HS6ST3: variants seen among roughly 807,000 people sequenced by gnomAD.
HS6ST3 encodes the protein heparan sulfate 6-O-sulfotransferase 3.
A neutral mutation model predicts 36.7 loss-of-function variants in HS6ST3; 12 were observed. The ratio of observed to expected loss-of-function variants is 0.33; its 90% CI spans 0.21 to 0.53. The LOEUF (loss-of-function observed/expected upper bound fraction) is 0.53. Ranked by LOEUF, HS6ST3 falls within the 20% of genes least tolerant of loss-of-function variation. The pLI is 0.95. For missense variants in HS6ST3, 584 were observed against 640.9 expected (o/e 0.91, Z 0.96); for synonymous variants, 240 against 257.5 (o/e 0.93, Z 0.65).
At chr13:96,109,634 G>T (rs2053858594) in intron 1 of HS6ST3, among the ~76,000 whole-genome samples, 1 of 152,172 alleles carries the variant, frequency 6.6e-6, no homozygotes, top group Non-Finnish European at 1.5e-5. Flanking sequence ...AGTAAAATAA[G>T]TTGCACTGGT....
At chr13:96,575,805 G>A (rs1176518635) in intron 1 of HS6ST3, among the ~76,000 whole-genome samples, 12 of 152,088 alleles carry the variant, frequency 7.9e-5, no homozygotes, top group East Asian at 7.7e-4. Context: ...GGCAAAGTTC[G>A]TAGAACTAGG....
intron 1 of HS6ST3, among the ~76,000 whole-genome samples, chr13:96,636,539 T>C (rs2056550484): frequency 6.6e-6 from 1 of 152,134 alleles, no homozygotes; most frequent in Admixed American, 6.6e-5. Flanking sequence ...AACTGATTTC[T>C]CATCCTATCT....
At chr13:96,649,520 AC>A (rs1254715955) in intron 1 of HS6ST3, among the ~76,000 whole-genome samples, 1 of 151,912 alleles carries the variant, frequency 6.6e-6, no homozygotes, top group African/African-American at 2.4e-5. Context: ...AACAAAGAAA[AC>A]CTTTGAATTT....
chr13:96,595,816 T>A (rs1435516035), intron 1 of HS6ST3, among the ~76,000 whole-genome samples: 4 of 152,088 alleles, frequency 2.6e-5, no homozygotes, highest in African/African-American at 7.2e-5. Context: ...GCTGTGATGT[T>A]CTCTATTGCA....
chr13:96,508,644 C>T (rs1449375393), intron 1 of HS6ST3, among the ~76,000 whole-genome samples: 1 of 152,004 alleles, frequency 6.6e-6, no homozygotes, highest in African/African-American at 2.4e-5. Flanking sequence ...TTTTTCACTC[C>T]TGTATTACTT....
chr13:96,099,369 G>A (rs534372535), intron 1 of HS6ST3, among the ~76,000 whole-genome samples: 78 of 152,298 alleles, frequency 5.1e-4, no homozygotes, highest in Non-Finnish European at 9.0e-4. Flanking sequence ...AAGAGAAGCC[G>A]TAAATGATAA....
At chr13:96,517,753 AC>A (rs1401981372) in intron 1 of HS6ST3, among the ~76,000 whole-genome samples, 1 of 151,184 alleles carries the variant, frequency 6.6e-6, no homozygotes, top group Admixed American at 6.6e-5. Context: ...CCCTCCTGCC[AC>A]CCCCCACTCT....
At chr13:96,656,841 A>T (rs891241204) in intron 1 of HS6ST3, among the ~76,000 whole-genome samples, 1 of 152,102 alleles carries the variant, frequency 6.6e-6, no homozygotes, top group Non-Finnish European at 1.5e-5. Flanking sequence ...ACGGAATTAT[A>T]TACAAAATAA....
intron 1 of HS6ST3, among the ~76,000 whole-genome samples, chr13:96,799,645 G>A (rs141051108): frequency 1.4e-5 from 2 of 138,390 alleles, no homozygotes; most frequent in African/African-American, 5.3e-5. Flanking sequence ...GTGGAGGGAG[G>A]GGGGAGGGAT....
At chr13:96,598,305 G>A (rs2056409418) in intron 1 of HS6ST3, among the ~76,000 whole-genome samples, 1 of 152,138 alleles carries the variant, frequency 6.6e-6, no homozygotes, top group African/African-American at 2.4e-5. Flanking sequence ...TCCAACCCAT[G>A]AGCATGGAAT....
At chr13:96,276,295 A>G (rs1750423230) in intron 1 of HS6ST3, among the ~76,000 whole-genome samples, 1 of 152,110 alleles carries the variant, frequency 6.6e-6, no homozygotes, top group Non-Finnish European at 1.5e-5. Flanking sequence ...TGGACCCAAG[A>G]CATTACCCTG....
chr13:96,242,231 T>C (rs2035371014), intron 1 of HS6ST3, among the ~76,000 whole-genome samples: 1 of 151,278 alleles, frequency 6.6e-6, no homozygotes, highest in Non-Finnish European at 1.5e-5. Context: ...TTTTTTTTTT[T>C]CTTTTTTTGA....
chr13:96,209,355 T>A (rs1280446908), intron 1 of HS6ST3, among the ~76,000 whole-genome samples: 7 of 152,092 alleles, frequency 4.6e-5, no homozygotes, highest in Non-Finnish European at 1.0e-4. Flanking sequence ...GGTCATGGAG[T>A]GAATGCTATA....
chr13:96,259,160 GTGTT>G (rs751796823), intron 1 of HS6ST3, among the ~76,000 whole-genome samples: 143 of 152,254 alleles, frequency 9.4e-4, no homozygotes, highest in Admixed American at 1.4e-3. Context: ...GTGTGTCTGT[GTGTT>G]TGTGTGTCCG....
intron 1 of HS6ST3, among the ~76,000 whole-genome samples, chr13:96,351,214 C>G (rs922482398): frequency 6.6e-6 from 1 of 151,834 alleles, no homozygotes; most frequent in Non-Finnish European, 1.5e-5. Context: ...TATTAAGAAC[C>G]TGAAAGCAAG....
rs912499414 is a variant in HS6ST3, at chr13:96,764,837, C to A, written c.708-67653C>A. ...GGGTCTTTGTTCTATTGATCACTTTCCCCTTGGAATGCCTGTTGCATTTGT... is the reference window on the plus strand; with the variant it reads ...GGGTCTTTGTTCTATTGATCACTTTACCCTTGGAATGCCTGTTGCATTTGT... On this transcript the variant is annotated intron_variant, in intron 1 of 1. Coordinates refer to ENST00000376705, the MANE Select transcript of HS6ST3 (RefSeq NM_153456.4). Among the ~76,000 whole-genome samples the A allele has an allele frequency of 3.3e-5, 5 of 152,080 alleles. No homozygotes were observed. The East Asian group carries it at 9.7e-4, about 29-fold the overall frequency.
intron 1 of HS6ST3, among the ~76,000 whole-genome samples, chr13:96,175,889 C>T (rs930382617): frequency 6.6e-6 from 1 of 151,844 alleles, no homozygotes; most frequent in Non-Finnish European, 1.5e-5. Flanking sequence ...GGCTGGCGTG[C>T]AGTGGTGCAA....
intron 1 of HS6ST3, among the ~76,000 whole-genome samples, chr13:96,093,092 T>C (rs2053773077): frequency 6.6e-6 from 1 of 152,230 alleles, no homozygotes; most frequent in Admixed American, 6.5e-5. Context: ...TCCAACCTTG[T>C]ACTCCCTGTT....
intron 1 of HS6ST3, among the ~76,000 whole-genome samples, chr13:96,134,283 G>A (rs76353248): frequency 1.4e-3 from 214 of 151,920 alleles, no homozygotes; most frequent in African/African-American, 4.7e-3. Context: ...AAATGTCTCA[G>A]CTTATGGCTT....
Sources: allele counts gnomAD v4.1 joint callset (sites outside exome capture counted in the v4.1 genomes callset), GRCh38; gene constraint gnomAD v4.1.1; transcripts MANE v1.5; gene names NCBI Gene and HGNC (gene_info 2026-07-23, HGNC 2026-07-21).